The following REV3L variants were observed in gnomAD, a reference collection of about 807,000 sequenced individuals.
REV3L encodes the protein REV3 like, DNA directed polymerase zeta catalytic subunit, also known as DNA polymerase zeta catalytic subunit.
A neutral mutation model predicts 299.4 loss-of-function variants in REV3L; 69 were observed. That is an observed-to-expected ratio of 0.23 (90% CI 0.19 to 0.28). The LOEUF (loss-of-function observed/expected upper bound fraction) is 0.28, where lower values mean the gene tolerates loss of function less well. Among genes scored for constraint, REV3L ranks in the 10% least tolerant of loss-of-function variants. The pLI, the probability that REV3L is intolerant of heterozygous loss-of-function variation, is 1.00. For missense variants in REV3L, 3,128 were observed against 3,693.8 expected (o/e 0.85, Z 3.97); for synonymous variants, 1,238 against 1,271.4 (o/e 0.97, Z 0.56).
At chr6:111,337,195 A>G (rs1437863408) in intron 21 of REV3L, among the ~76,000 whole-genome samples, 1 of 152,192 alleles carries the variant, frequency 6.6e-6, no homozygotes, top group African/African-American at 2.4e-5. Flanking sequence ...ATGATGTTGT[A>G]CAACTCTGAA....
chr6:111,343,776 C>T (rs950187094), intron 21 of REV3L, 149 bp downstream of exon 21: 18 of 474,124 alleles, frequency 3.8e-5, no homozygotes, highest in African/African-American at 6.0e-5. Context: ...GTGATGTGCC[C>T]GCCTCGGCCT....
intron 6 of REV3L, among the ~76,000 whole-genome samples, chr6:111,389,727 ATTTTTTTTTTTT>A (rs10713895): frequency 0.01 from 837 of 81,468 alleles, 8 homozygotes; most frequent in South Asian, 0.022. Context: ...TTGGTCATTA[ATTTTTTTTTTTT>A]TTTTTTTTTT....
intron 1 of REV3L, among the ~76,000 whole-genome samples, chr6:111,434,555 C>T (rs1471844556): frequency 6.6e-6 from 1 of 150,488 alleles, no homozygotes; most frequent in East Asian, 2.0e-4. Context: ...GGAAGCGGAG[C>T]TTGCAGTGAG....
intron 28 of REV3L, chr6:111,311,937 A>T (rs1773025719): frequency 6.6e-6 from 1 of 152,298 alleles, no homozygotes; most frequent in Non-Finnish European, 1.5e-5. Context: ...CCTCCCGAGT[A>T]GCTGGGACTA....
At chr6:111,341,585 ATTAAT>A (rs1261909129) in intron 21 of REV3L, among the ~76,000 whole-genome samples, 3 of 152,206 alleles carry the variant, frequency 2.0e-5, no homozygotes, top group Non-Finnish European at 2.9e-5. Context: ...AATTAGACAC[ATTAAT>A]TTAAGGACTT....
At chr6:111,435,793 A>G (rs1787478436) in intron 1 of REV3L, among the ~76,000 whole-genome samples, 1 of 152,242 alleles carries the variant, frequency 6.6e-6, no homozygotes. Flanking sequence ...AGCACAGGCA[A>G]CCAAGCCAAA....
chr6:111,315,246 C>T, intron 27 of REV3L, 21 bp downstream of exon 27: 1 of 1,534,978 alleles, frequency 6.5e-7, no homozygotes, highest in East Asian at 2.3e-5. Context: ...TATGTAATTA[C>T]TAATATTACA....
chr6:111,479,549 G>T, intron 1 of REV3L, among the ~76,000 whole-genome samples: 1 of 128,882 alleles, frequency 7.8e-6, no homozygotes, highest in African/African-American at 2.8e-5. Flanking sequence ...TTGCTCTGTT[G>T]CCCAGGCTGG....
intron 1 of REV3L, chr6:111,430,354 A>C: frequency 8.3e-7 from 1 of 1,208,668 alleles, no homozygotes; most frequent in South Asian, 1.2e-5. Flanking sequence ...TAAACACCCA[A>C]TGGATTTTAA....
chr6:111,440,698 T>G (rs1788162279), intron 1 of REV3L, among the ~76,000 whole-genome samples: 1 of 152,270 alleles, frequency 6.6e-6, no homozygotes, highest in South Asian at 2.1e-4. Context: ...CCTTTCTTTA[T>G]GTAGATCCAA....
At chr6:111,318,954 G>A (rs1773830811) in intron 26 of REV3L, among the ~76,000 whole-genome samples, 2 of 152,140 alleles carry the variant, frequency 1.3e-5, no homozygotes, top group Admixed American at 6.5e-5. Flanking sequence ...ATAAGTGGTT[G>A]TCTAGGGCAT....
At chr6:111,340,648 A>G (rs552412809) in intron 21 of REV3L, among the ~76,000 whole-genome samples, 1 of 152,268 alleles carries the variant, frequency 6.6e-6, no homozygotes, top group African/African-American at 2.4e-5. Context: ...AAAAGGGGTT[A>G]CCATACCTAC....
intron 1 of REV3L, among the ~76,000 whole-genome samples, chr6:111,448,765 A>G (rs967641310): frequency 6.7e-6 from 1 of 148,844 alleles, no homozygotes; most frequent in African/African-American, 2.5e-5. Flanking sequence ...GGACTACAGG[A>G]GCACACCACC....
chr6:111,315,480 A>C, intron 26 of REV3L, 99 bp from the exon 27 acceptor site: 1 of 798,954 alleles, frequency 1.3e-6, no homozygotes, highest in South Asian at 1.7e-5. Context: ...TCTAATGCCA[A>C]AGAAAACTCC....
chr6:111,313,215 T>C, intron 28 of REV3L, 137 bp downstream of exon 28: 4 of 655,332 alleles, frequency 6.1e-6, no homozygotes, highest in Non-Finnish European at 9.2e-6. Flanking sequence ...AAAATTCATG[T>C]AGTTACTCCT....
At chr6:111,308,669 C>G (rs758454478) in intron 30 of REV3L, among the ~76,000 whole-genome samples, 1 of 152,144 alleles carries the variant, frequency 6.6e-6, no homozygotes, top group African/African-American at 2.4e-5. Flanking sequence ...TGTCTAGATA[C>G]TAAATCCTAC....
chr6:111,365,728 C>T (rs1474237458), intron 14 of REV3L, among the ~76,000 whole-genome samples: 2 of 152,034 alleles, frequency 1.3e-5, no homozygotes, highest in Non-Finnish European at 2.9e-5. Flanking sequence ...AAAATTATAA[C>T]TGCACTAATA....
chr6:111,430,765 G>A (rs1582964815), intron 1 of REV3L: 10 of 1,597,756 alleles, frequency 6.3e-6, no homozygotes, highest in South Asian at 3.3e-5. Context: ...TAGAGAGAGC[G>A]CAGGAGCAGC....
chr6:111,428,222 T>C (rs1379807379), intron 1 of REV3L, among the ~76,000 whole-genome samples: 14 of 152,014 alleles, frequency 9.2e-5, no homozygotes, highest in Admixed American at 9.2e-4. Context: ...AAGGAACCAG[T>C]GACTGACCCT....
Sources: allele counts gnomAD v4.1 joint callset (sites outside exome capture counted in the v4.1 genomes callset), GRCh38; gene constraint gnomAD v4.1.1; transcripts MANE v1.5; gene names NCBI Gene and HGNC (gene_info 2026-07-23, HGNC 2026-07-21).